The following DNAH7 variants were observed in gnomAD, a reference collection of about 807,000 sequenced individuals.
The protein encoded by DNAH7 is axonemal beta dynein heavy chain 7.
DNAH7 carries 397 observed loss-of-function variants against 444.6 expected under a neutral mutation model. The observed-to-expected ratio is 0.89, with a 90% CI of 0.82 to 0.97. The LOEUF is 0.97. Among genes scored for constraint, DNAH7 ranks in the 50% least tolerant of loss-of-function variants. The pLI is 0.00. For synonymous variants in DNAH7, 1,636 were observed against 1,624.4 expected (o/e 1.01, Z -0.17); for missense variants, 4,902 against 4,800.8 (o/e 1.02, Z -0.62).
chr2:195,944,605 C>A (rs1489916056), intron 19 of DNAH7, among the ~76,000 whole-genome samples: 1 of 152,084 alleles, frequency 6.6e-6, no homozygotes, highest in East Asian at 1.9e-4. Flanking sequence ...CAGTTTTCAC[C>A]ACCCCATGCT....
Position 195,756,828 on chromosome 2 carries a change from CA to C in DNAH7, c.11434-544del, listed in dbSNP as rs36039288. On this transcript the variant is annotated intron_variant, in intron 61 of 64. Transcript: ENST00000312428. ...GCCACATGGCGAAACCTCACCTCCACAACAAATACAAAAATTCGCTGGGTGT... is the reference window on the plus strand; with the variant it reads ...GCCACATGGCGAAACCTCACCTCCACACAAATACAAAAATTCGCTGGGTGT... 0.019 allele frequency among the ~76,000 whole-genome samples: 2,867 copies of C among 152,142 alleles called. 219 individuals carry two copies. In the East Asian group the frequency reaches 0.25, roughly 14 times the overall value.
In DNAH7 at chr2:196,000,819, A is replaced by G. The variant is rs757112242; in HGVS notation, c.1238T>C (p.Ile413Thr). ...IMRLILDNDT[I>T]KFEPELSDYI... is the part of the protein sequence containing the mutation. ...GTCACTCAACTCAGGTTCAAACTTA[A>G]TGGTGTCATTATCAAGAATCAGCCT... The change falls in exon 12 of 65, where the codon ATT (isoleucine) becomes ACT (threonine). Residue 413 changes from isoleucine to threonine, a missense_variant. Physicochemically the swap from Ile to Thr is moderately conservative, Grantham distance 89 (BLOSUM62 -1). Coordinates refer to ENST00000312428, the MANE Select transcript of DNAH7 (RefSeq NM_018897.3). 69 of 1,609,518 alleles carry G rather than the reference A, an allele frequency of 4.3e-5. No homozygotes were observed. The highest frequency in any genetic ancestry group is 5.8e-5 in the Non-Finnish European group (68 of 1,177,702).
In DNAH7 at chr2:196,012,271, T is replaced by C. The variant is rs191350007; in HGVS notation, c.989+516A>G. ...CTGATTCCCAGATTATGAATTATCA[T>C]ATGTGGCTATTCCATTCCGAAAAGC... On this transcript the variant is annotated intron_variant, in intron 10 of 64. Coordinates refer to ENST00000312428, the MANE Select transcript of DNAH7 (RefSeq NM_018897.3). Among the ~76,000 whole-genome samples the C allele has an allele frequency of 1.5e-3, 236 of 152,296 alleles. 1 individual carries two copies. Among genetic ancestry groups the C allele is most frequent in the African/African-American group, 5.3e-3 (221 of 41,586 alleles).
chr2:196,039,704 C>T (rs1271556828), intron 5 of DNAH7, among the ~76,000 whole-genome samples: 2 of 149,380 alleles, frequency 1.3e-5, no homozygotes, highest in Admixed American at 1.3e-4. Flanking sequence ...GAGGTTGAGG[C>T]ATGAGAAGCA....
At chr2:195,810,877 G>T (rs1046720547) in intron 51 of DNAH7, among the ~76,000 whole-genome samples, 5 of 152,080 alleles carry the variant, frequency 3.3e-5, no homozygotes, top group Admixed American at 3.3e-4. Flanking sequence ...TTCATGCATG[G>T]CATTGAATTT....
At chr2:196,015,036 T>C (rs992230083) in intron 9 of DNAH7, among the ~76,000 whole-genome samples, 9 of 152,156 alleles carry the variant, frequency 5.9e-5, no homozygotes, top group Admixed American at 2.6e-4. Flanking sequence ...GCATTATAAC[T>C]ATATCACCTC....
At chr2:196,016,719 G>A (rs1695043301) in intron 9 of DNAH7, among the ~76,000 whole-genome samples, 2 of 152,146 alleles carry the variant, frequency 1.3e-5, no homozygotes, top group South Asian at 4.1e-4. Flanking sequence ...TCCACAGTGT[G>A]CAAATGAAAA....
At chr2:195,989,238 C>T (rs1328126316) in intron 12 of DNAH7, among the ~76,000 whole-genome samples, 1 of 152,128 alleles carries the variant, frequency 6.6e-6, no homozygotes, top group Non-Finnish European at 1.5e-5. Context: ...GGTTGTACTA[C>T]CTGCAATTTT....
chr2:195,751,337 C>A (rs1170487418), intron 63 of DNAH7, among the ~76,000 whole-genome samples: 1 of 152,132 alleles, frequency 6.6e-6, no homozygotes, highest in Non-Finnish European at 1.5e-5. Context: ...TAAGAGGTAT[C>A]TTTAACAGGT....
At chr2:195,822,228 A>G (rs1213477157) in intron 49 of DNAH7, among the ~76,000 whole-genome samples, 2 of 152,224 alleles carry the variant, frequency 1.3e-5, no homozygotes, top group Non-Finnish European at 2.9e-5. Context: ...CCAAGTCCAC[A>G]GGCTACATTT....
At chr2:196,000,240 T>C (rs374614509) in intron 12 of DNAH7, among the ~76,000 whole-genome samples, 1 of 152,296 alleles carries the variant, frequency 6.6e-6, no homozygotes, top group South Asian at 2.1e-4. Context: ...TCATTTCATA[T>C]ACTAGATTCC....
At chr2:195,822,412 T>TA (rs1172838221) in intron 49 of DNAH7, among the ~76,000 whole-genome samples, 2 of 152,312 alleles carry the variant, frequency 1.3e-5, no homozygotes, top group East Asian at 3.9e-4. Flanking sequence ...TTTAAGAACA[T>TA]AAACTATGGT....
At chr2:195,972,563 T>C in intron 15 of DNAH7, 97 bp from the exon 16 acceptor site, 1 of 875,486 alleles carries the variant, frequency 1.1e-6, no homozygotes, top group Non-Finnish European at 1.8e-6. Context: ...CACAGACTTA[T>C]TAGAAGTCAA....
chr2:195,941,793 C>T lies in DNAH7; in HGVS notation c.3079-5001G>A, dbSNP rs77697385. 9.1e-3 allele frequency among the ~76,000 whole-genome samples: 1,387 copies of T among 152,166 alleles called. 4 individuals carry two copies. Among genetic ancestry groups the T allele is most frequent in the Middle Eastern group, 0.02 (6 of 294 alleles). On this transcript the variant is annotated intron_variant, in intron 19 of 64. Coordinates refer to ENST00000312428, the MANE Select transcript of DNAH7 (RefSeq NM_018897.3). ...TAAAACCTCTTACAATTTTAAGAGT[C>T]CTTGACTTCATCAGGAGCAGAAACT...
At chr2:195,933,740 G>A (rs988815595) in intron 21 of DNAH7, among the ~76,000 whole-genome samples, 2 of 135,460 alleles carry the variant, frequency 1.5e-5, no homozygotes, top group African/African-American at 5.5e-5. Flanking sequence ...CACACACCGG[G>A]GCCTGTTGTG....
chr2:195,907,067 ATGT>A (rs1687073322), intron 25 of DNAH7, 58 bp from the exon 26 acceptor site: 9 of 1,333,058 alleles, frequency 6.8e-6, no homozygotes, highest in African/African-American at 1.5e-5. Context: ...TTGCAATGAA[ATGT>A]TGTATTTTCA....
intron 54 of DNAH7, 98 bp from the exon 55 acceptor site, chr2:195,799,570 G>C: frequency 3.7e-6 from 4 of 1,082,106 alleles, no homozygotes; most frequent in Non-Finnish European, 5.0e-6. Context: ...AAATACCCTA[G>C]CTCTATTAGT....
chr2:195,873,743 G>C (rs1409262197), intron 38 of DNAH7, 49 bp from the exon 39 acceptor site: 1 of 1,340,420 alleles, frequency 7.5e-7, no homozygotes, highest in Non-Finnish European at 9.9e-7. Context: ...GTATATACAA[G>C]AGTATTTTCT....
At chr2:195,787,332 CT>C (rs2105974377) in intron 57 of DNAH7, among the ~76,000 whole-genome samples, 161 bp from the exon 58 acceptor site, 1 of 152,266 alleles carries the variant, frequency 6.6e-6, no homozygotes, top group Admixed American at 6.5e-5. Flanking sequence ...GTTTCTACAG[CT>C]TTTCAAGCAA....
Sources: gnomAD v4.1 joint callset for allele counts (sites outside exome capture counted in the v4.1 genomes callset) on GRCh38, gnomAD v4.1.1 for gene constraint, MANE v1.5 for transcripts, NCBI Gene and HGNC (gene_info 2026-07-23, HGNC 2026-07-21) for gene names.